The following DLGAP1 variants were observed in gnomAD, a reference collection of about 807,000 sequenced individuals.
DLGAP1 encodes DLG associated protein 1, also known as disks large-associated protein 1.
In DLGAP1, 11 loss-of-function variants were observed where a neutral mutation model predicts 90.8. That is an observed-to-expected ratio of 0.12 (90% CI 0.08 to 0.20). The LOEUF (loss-of-function observed/expected upper bound fraction) is 0.20. DLGAP1 is among the 10% of genes least tolerant of loss of function. The probability of loss-of-function intolerance (pLI) is 1.00; values close to 1 mark genes in which losing one functional copy is unlikely to be tolerated. For missense variants in DLGAP1, 1,050 were observed against 1,333.8 expected (o/e 0.79, Z 3.31); for synonymous variants, 558 against 540.7 (o/e 1.03, Z -0.44).
chr18:4,083,213 T>C (rs2075637323), intron 2 of DLGAP1, among the ~76,000 whole-genome samples: 1 of 152,196 alleles, frequency 6.6e-6, no homozygotes, highest in Non-Finnish European at 1.5e-5. Flanking sequence ...TAACAGGGAT[T>C]TGATCTTATA....
At chr18:4,280,435 A>G (rs573810036) in intron 1 of DLGAP1, among the ~76,000 whole-genome samples, 52 of 152,322 alleles carry the variant, frequency 3.4e-4, no homozygotes, top group African/African-American at 1.2e-3. Context: ...TTACTGACCA[A>G]AAGCCCACAA....
chr18:4,134,772 G>T (rs2076373118), intron 2 of DLGAP1, among the ~76,000 whole-genome samples: 1 of 152,102 alleles, frequency 6.6e-6, no homozygotes, highest in South Asian at 2.1e-4. Flanking sequence ...TAGGAAAGCT[G>T]CCTTGCCAGG....
intron 1 of DLGAP1, among the ~76,000 whole-genome samples, chr18:4,329,722 G>A (rs1371474042): frequency 1.8e-4 from 27 of 151,864 alleles, no homozygotes; most frequent in Admixed American, 1.7e-3. Flanking sequence ...ATTTATTTCT[G>A]TTTTTAATGC....
intron 1 of DLGAP1, among the ~76,000 whole-genome samples, chr18:4,290,002 G>A (rs2079806531): frequency 1.3e-5 from 2 of 152,046 alleles, no homozygotes; most frequent in Admixed American, 1.3e-4. Flanking sequence ...TTGTTCTTAT[G>A]TAACATTCTA....
chr18:4,448,567 T>A (rs1249733581), intron 1 of DLGAP1, among the ~76,000 whole-genome samples: 3 of 152,154 alleles, frequency 2.0e-5, no homozygotes, highest in Non-Finnish European at 4.4e-5. Flanking sequence ...ATGGTGCATG[T>A]TCGCATTCTG....
intron 1 of DLGAP1, among the ~76,000 whole-genome samples, chr18:4,380,861 C>T (rs891920526): frequency 2.0e-5 from 3 of 152,182 alleles, no homozygotes; most frequent in African/African-American, 7.2e-5. Flanking sequence ...TTCCAGAAGG[C>T]AGCTTAATGA....
chr18:3,673,283 T>C (rs1297741928), intron 7 of DLGAP1, among the ~76,000 whole-genome samples: 2 of 152,138 alleles, frequency 1.3e-5, no homozygotes, highest in Non-Finnish European at 2.9e-5. Context: ...ATCCCTCTAC[T>C]GCATTCTTTT....
intron 7 of DLGAP1, chr18:3,596,990 C>A (rs745415559): frequency 3.8e-6 from 2 of 520,120 alleles, no homozygotes; most frequent in Non-Finnish European, 3.8e-6. Flanking sequence ...CACTTGGCCT[C>A]CCCCACAGGC....
Position 4,030,695 on chromosome 18 carries a change from C to A in DLGAP1, c.-158-25494G>T, listed in dbSNP as rs2074782262. Among the ~76,000 whole-genome samples, 4 of 152,096 alleles carry A rather than the reference C, an allele frequency of 2.6e-5. No individual in the cohort carries two copies. The South Asian group carries it at 8.3e-4, about 32-fold the overall frequency. ...CAGCACTTTGGGAGGCTGAGGCGGG[C>A]AGACTGCTTGAGCCCAGGAGTTCGA... is the stretch of plus-strand genomic sequence containing the variant. On this transcript the variant is annotated intron_variant, in intron 2 of 12. Coordinates refer to ENST00000315677, the MANE Select transcript of DLGAP1 (RefSeq NM_004746.4).
intron 1 of DLGAP1, among the ~76,000 whole-genome samples, chr18:4,301,319 T>G (rs2080121078): frequency 2.0e-5 from 3 of 152,194 alleles, no homozygotes; most frequent in Admixed American, 2.0e-4. Flanking sequence ...CTGGTAACCA[T>G]CATTCCACTC....
intron 1 of DLGAP1, among the ~76,000 whole-genome samples, chr18:4,390,950 G>C (rs528477556): frequency 2.0e-5 from 3 of 152,090 alleles, no homozygotes; most frequent in Non-Finnish European, 4.4e-5. Context: ...CGCTCATCTT[G>C]GAAGAAAGAA....
At chr18:4,173,596 A>T (rs1275606338) in intron 1 of DLGAP1, among the ~76,000 whole-genome samples, 1 of 152,186 alleles carries the variant, frequency 6.6e-6, no homozygotes, top group Non-Finnish European at 1.5e-5. Flanking sequence ...TCTACTTATT[A>T]AAATTCAAGG....
At chr18:3,705,100 T>C (rs1331556557) in intron 7 of DLGAP1, among the ~76,000 whole-genome samples, 6 of 152,206 alleles carry the variant, frequency 3.9e-5, no homozygotes, top group South Asian at 2.1e-4. Context: ...GCTTAGCAGA[T>C]AGAAATAAGA....
At chr18:3,916,845 T>C (rs1368063767) in intron 3 of DLGAP1, among the ~76,000 whole-genome samples, 2 of 152,124 alleles carry the variant, frequency 1.3e-5, no homozygotes, top group African/African-American at 4.8e-5. Context: ...AGAAACAGCA[T>C]AGAGAATGCA....
At chr18:4,101,898 CAT>C (rs2075784362) in intron 2 of DLGAP1, among the ~76,000 whole-genome samples, 1 of 151,690 alleles carries the variant, frequency 6.6e-6, no homozygotes, top group Non-Finnish European at 1.5e-5. Context: ...ATATATATTA[CAT>C]ATGTGTGTAT....
chr18:4,098,443 T>C (rs1025310514), intron 2 of DLGAP1, among the ~76,000 whole-genome samples: 1 of 151,994 alleles, frequency 6.6e-6, no homozygotes, highest in East Asian at 1.9e-4. Context: ...GTGGGTAAGA[T>C]AGGAGAGGAG....
intron 10 of DLGAP1, among the ~76,000 whole-genome samples, chr18:3,523,658 T>A (rs62083984): frequency 2.6e-5 from 4 of 151,590 alleles, no homozygotes; most frequent in Non-Finnish European, 5.9e-5. Flanking sequence ...CCATCCTGGC[T>A]AACACGGTGA....
At chr18:3,874,361 T>C (rs1337804823) in intron 4 of DLGAP1, 6 of 1,497,128 alleles carry the variant, frequency 4.0e-6, no homozygotes, top group African/African-American at 1.4e-5. Context: ...TTCCTGTTTC[T>C]ACGGCTGAAT....
At chr18:3,546,766 G>T (rs897523069) in intron 9 of DLGAP1, among the ~76,000 whole-genome samples, 1 of 152,010 alleles carries the variant, frequency 6.6e-6, no homozygotes, top group African/African-American at 2.4e-5. Flanking sequence ...TAGTCAAAAA[G>T]AATTAAGGTT....
Sources: allele counts gnomAD v4.1 joint callset (sites outside exome capture counted in the v4.1 genomes callset), GRCh38; gene constraint gnomAD v4.1.1; transcripts MANE v1.5; gene names NCBI Gene and HGNC (gene_info 2026-07-23, HGNC 2026-07-21).